Variants in RBFOX1 observed in about 807,000 individuals in gnomAD.
RBFOX1 encodes the protein RNA binding fox-1 homolog 1, also known as RNA binding protein fox-1 homolog 1.
Under a neutral mutation model 57.7 loss-of-function variants are expected in RBFOX1, and 8 were observed. That is an observed-to-expected ratio of 0.14 (90% CI 0.08 to 0.25). RBFOX1 has a LOEUF of 0.25. Among genes scored for constraint, RBFOX1 ranks in the 10% least tolerant of loss-of-function variants. RBFOX1 has a pLI of 1.00. For missense variants in RBFOX1, 611 were observed against 548.5 expected, an observed-to-expected ratio of 1.11 and a Z score of -1.14; for synonymous variants, 326 against 222.4, an observed-to-expected ratio of 1.47 and a Z score of -4.15.
intron 4 of RBFOX1, among the ~76,000 whole-genome samples, chr16:7,151,044 C>G (rs192223207): frequency 2.2e-3 from 338 of 152,258 alleles, no homozygotes; most frequent in South Asian, 5.6e-3. Flanking sequence ...TGTGGTAGCA[C>G]AGAAGTTCTC....
At chr16:7,267,053 C>G (rs2095171125) in intron 4 of RBFOX1, among the ~76,000 whole-genome samples, 1 of 152,082 alleles carries the variant, frequency 6.6e-6, no homozygotes. Context: ...GCCAGCATAC[C>G]TGAGGAGAGT....
intron 2 of RBFOX1, among the ~76,000 whole-genome samples, chr16:5,490,178 A>C (rs1341095883): frequency 6.6e-6 from 1 of 152,230 alleles, no homozygotes. Flanking sequence ...TGATGGTGGA[A>C]GAGGTTAGGG....
At chr16:7,437,738 C>G (rs1390894376) in intron 4 of RBFOX1, among the ~76,000 whole-genome samples, 5 of 152,080 alleles carry the variant, frequency 3.3e-5, no homozygotes, top group African/African-American at 9.7e-5. Context: ...TGAGAAGCAT[C>G]TTTGATTTAC....
intron 4 of RBFOX1, among the ~76,000 whole-genome samples, chr16:7,375,539 G>A (rs549756881): frequency 1.8e-4 from 27 of 151,500 alleles, no homozygotes; most frequent in African/African-American, 6.5e-4. Flanking sequence ...GATGTTTTGG[G>A]TGTTCCCAGC....
intron 1 of RBFOX1, among the ~76,000 whole-genome samples, chr16:6,268,653 G>A (rs1297223832): frequency 8.5e-5 from 13 of 152,070 alleles, no homozygotes; most frequent in Non-Finnish European, 2.9e-5. Context: ...TATATGCCAG[G>A]GTTTATGGCC....
chr16:5,273,058 G>C (rs540480881), intron 1 of RBFOX1, among the ~76,000 whole-genome samples: 2 of 152,234 alleles, frequency 1.3e-5, no homozygotes, highest in South Asian at 4.1e-4. Context: ...CTGCCACCGG[G>C]GAGAAATGCT....
At chr16:5,755,841 G>T (rs553100073) in intron 3 of RBFOX1, among the ~76,000 whole-genome samples, 2 of 151,952 alleles carry the variant, frequency 1.3e-5, no homozygotes, top group African/African-American at 4.8e-5. Context: ...CAGGTGATCC[G>T]CCTGCCTCGG....
chr16:6,914,496 C>T (rs937188114), intron 3 of RBFOX1, among the ~76,000 whole-genome samples: 2 of 152,118 alleles, frequency 1.3e-5, no homozygotes, highest in African/African-American at 4.8e-5. Context: ...CACCTCCTAC[C>T]TGAGCCACCT....
intron 1 of RBFOX1, among the ~76,000 whole-genome samples, chr16:6,221,672 C>T (rs1228341101): frequency 3.3e-5 from 5 of 152,188 alleles, no homozygotes; most frequent in African/African-American, 7.2e-5. Context: ...CACAGTTCCA[C>T]GTGGCTGGGA....
chr16:5,467,292 A>G lies in RBFOX1; in HGVS notation c.258+38A>G, dbSNP rs775488026. 28 of 1,457,990 alleles carry G rather than the reference A, an allele frequency of 1.9e-5. 1 individual carries two copies. In the Middle Eastern group the frequency reaches 8.5e-4, roughly 44 times the overall value. The allele number at this position is 1,457,990 out of a possible 1,614,324, so 90.3% of individuals were successfully genotyped here. ...TTTGTCCTGACTTAGGATGTCTGTG[A>G]AGTCTAGTGGAAATGAAAGCAATAG... On this transcript the variant is annotated intron_variant, in intron 2 of 2. Coordinates refer to the RBFOX1 transcript ENST00000585867.
chr16:5,697,320 A>G (rs2050875536), intron 3 of RBFOX1, among the ~76,000 whole-genome samples: 2 of 151,748 alleles, frequency 1.3e-5, no homozygotes, highest in Admixed American at 1.3e-4. Context: ...ACATCTCTAT[A>G]TAGGAAAAGT....
chr16:6,099,265 C>T (rs1182000192), intron 1 of RBFOX1, among the ~76,000 whole-genome samples: 1 of 152,140 alleles, frequency 6.6e-6, no homozygotes, highest in East Asian at 1.9e-4. Context: ...AAACATTGGC[C>T]TGCTTTTTAG....
intron 2 of RBFOX1, among the ~76,000 whole-genome samples, chr16:6,324,083 T>G (rs2082104718): frequency 6.6e-6 from 1 of 152,186 alleles, no homozygotes; most frequent in African/African-American, 2.4e-5. Flanking sequence ...AACTCTGAGC[T>G]TTTAGCGTAA....
chr16:5,407,667 G>A (rs1596906004), intron 1 of RBFOX1, among the ~76,000 whole-genome samples: 1 of 152,162 alleles, frequency 6.6e-6, no homozygotes, highest in East Asian at 1.9e-4. Flanking sequence ...TCCTGCCTCA[G>A]CCTCCTGAGT....
intron 1 of RBFOX1, among the ~76,000 whole-genome samples, chr16:5,277,118 A>G (rs1276226836): frequency 1.3e-5 from 2 of 152,174 alleles, no homozygotes; most frequent in African/African-American, 4.8e-5. Flanking sequence ...ATAGAATACT[A>G]CTTAGCCTTA....
chr16:5,830,411 A>G (rs566771975), intron 3 of RBFOX1, among the ~76,000 whole-genome samples: 3 of 152,004 alleles, frequency 2.0e-5, no homozygotes, highest in African/African-American at 7.3e-5. Flanking sequence ...GTAAACATGA[A>G]TGTGACTCAG....
chr16:6,177,410 A>G (rs1230622179), intron 1 of RBFOX1, among the ~76,000 whole-genome samples: 2 of 151,372 alleles, frequency 1.3e-5, no homozygotes, highest in Non-Finnish European at 2.9e-5. Flanking sequence ...TTTTTTTCTT[A>G]TTTGACTATT....
intron 2 of RBFOX1, among the ~76,000 whole-genome samples, chr16:6,450,777 A>ATACATG (rs1555480496): frequency 2.5e-5 from 1 of 39,526 alleles, no homozygotes; most frequent in South Asian, 6.2e-4. Flanking sequence ...GTATATATAT[A>ATACATG]TATATATATA....
At chr16:7,169,963 C>G (rs886672449) in intron 4 of RBFOX1, among the ~76,000 whole-genome samples, 1 of 152,042 alleles carries the variant, frequency 6.6e-6, no homozygotes, top group Non-Finnish European at 1.5e-5. Flanking sequence ...GTCCCAGCTA[C>G]TTGGGAGGAT....
Sources: allele counts gnomAD v4.1 joint callset (sites outside exome capture counted in the v4.1 genomes callset), GRCh38; gene constraint gnomAD v4.1.1; transcripts MANE v1.5; gene names NCBI Gene and HGNC (gene_info 2026-07-23, HGNC 2026-07-21).